The following TP53I13 variants were observed in gnomAD, a reference collection of about 807,000 sequenced individuals.
TP53I13 encodes the protein tumor protein p53-inducible protein 13.
A neutral mutation model predicts 39.1 loss-of-function variants in TP53I13; 27 were observed. The ratio of observed to expected loss-of-function variants is 0.69; its 90% confidence interval spans 0.51 to 0.95. The LOEUF (loss-of-function observed/expected upper bound fraction) is 0.95, where lower values mean the gene tolerates loss of function less well. Ranked by LOEUF, TP53I13 falls within the 40% of genes least tolerant of loss-of-function variation. The pLI, the probability that TP53I13 is intolerant of heterozygous loss-of-function variation, is 0.00. For missense variants in TP53I13, 544 were observed against 520.4 expected, an observed-to-expected ratio of 1.05 and a Z score of -0.44; for synonymous variants, 230 against 224.6, an observed-to-expected ratio of 1.02 and a Z score of -0.22.
Position 29,571,887 on chromosome 17 carries a change from C to T in TP53I13, c.343C>T (p.Leu115=). 1 of 1,613,186 alleles carries T rather than the reference C, an allele frequency of 6.2e-7. No individual in the cohort carries two copies. Among genetic ancestry groups the T allele is most frequent in the East Asian group, 2.2e-5 (1 of 44,886 alleles). The change falls in exon 5 of 7, where the codon CTG becomes TTG. Residue 115 remains leucine, a synonymous_variant. Transcript: ENST00000301057. ...PLVLTAWGLA[L]EMAWVEPAWA... ...GGTGCTGACTGCATGGGGGCTGGCG[C>T]TGGAGATGGCCTGGGTAGAGCCAGC...
downstream of TP53I13, chr17:29,574,956 CA>C: frequency 6.6e-7 from 1 of 1,518,334 alleles, no homozygotes; most frequent in Non-Finnish European, 8.9e-7. Context: ...GACTTTAAGC[CA>C]CCAGCTGAGA....
chr17:29,574,628 A>C (rs1352275031), downstream of TP53I13: 9 of 1,217,088 alleles, frequency 7.4e-6, no homozygotes, highest in Non-Finnish European at 1.2e-6. Context: ...TGGGGTGGGG[A>C]TTAATGTCTG....
the TP53I13 span, among the ~76,000 whole-genome samples, chr17:29,580,339 G>C: frequency 6.6e-6 from 1 of 152,220 alleles, no homozygotes; most frequent in Admixed American, 6.5e-5. Context: ...TTGGGGTCTG[G>C]AAGAGGTCTG....
At chr17:29,577,860 A>G (rs1454385607), downstream of TP53I13, 2 of 686,130 alleles carry the variant, frequency 2.9e-6, no homozygotes, top group Non-Finnish European at 5.3e-6. Flanking sequence ...ACTGGTGTTC[A>G]GAACAGGGGT....
At chr17:29,573,211 G>A (rs1046938603), downstream of TP53I13, 13 of 319,128 alleles carry the variant, frequency 4.1e-5, no homozygotes, top group Admixed American at 4.1e-4. Flanking sequence ...CCGGACCCTC[G>A]TCCTAGGCCA....
At chr17:29,579,782 G>A in the TP53I13 span, among the ~76,000 whole-genome samples, 1 of 151,646 alleles carries the variant, frequency 6.6e-6, no homozygotes, top group Non-Finnish European at 1.5e-5. Flanking sequence ...TCTCCTCCCT[G>A]AAAAATAGAT....
intron 2 of TP53I13, 84 bp from the exon 3 acceptor site, chr17:29,569,234 C>A: frequency 6.6e-7 from 1 of 1,523,678 alleles, no homozygotes; most frequent in Non-Finnish European, 9.0e-7. Flanking sequence ...CCCAGCCTGG[C>A]GCTTGGGGCC....
chr17:29,577,700 C>T (rs368918039), downstream of TP53I13: 15 of 1,612,652 alleles, frequency 9.3e-6, no homozygotes, highest in South Asian at 4.4e-5. Context: ...CACGGCACTG[C>T]GCTCTGTCAC....
At chr17:29,568,696 GGC>G (rs2032797653), upstream of TP53I13, 10 of 1,138,696 alleles carry the variant, frequency 8.8e-6, no homozygotes, top group East Asian at 1.1e-4. This position sits in a 1 kb window ranked among gnomAD's most constrained non-coding sequence, Gnocchi z 4.5. Context: ...GGAGGGGCGG[GGC>G]GCGCGCGCTC....
At chr17:29,580,181 T>C in the TP53I13 span, among the ~76,000 whole-genome samples, 86 of 152,346 alleles carry the variant, frequency 5.6e-4, 1 homozygote, top group African/African-American at 2.0e-3. Flanking sequence ...GCTGCCTCTG[T>C]GCTCCCAGTG....
chr17:29,566,680 C>T, upstream of TP53I13: 1 of 1,594,506 alleles, frequency 6.3e-7, no homozygotes, highest in South Asian at 1.1e-5. Flanking sequence ...GGAGCGCGGG[C>T]CGGCCTCCAG....
the TP53I13 span, chr17:29,581,690 C>A: frequency 6.9e-7 from 1 of 1,458,152 alleles, no homozygotes; most frequent in Non-Finnish European, 9.5e-7. The surrounding 1 kb of genome is among the most constrained non-coding windows in gnomAD (Gnocchi z 4.8). Flanking sequence ...GTCCCACCTG[C>A]CCAGCCCCAG....
chr17:29,574,934 G>A, downstream of TP53I13: 1 of 1,541,070 alleles, frequency 6.5e-7, no homozygotes, highest in Non-Finnish European at 8.8e-7. Flanking sequence ...GCAGGAGTGA[G>A]GCTGGACCTT....
At chr17:29,576,729 G>A (rs41274278), downstream of TP53I13, 3,064 of 1,603,424 alleles carry the variant, frequency 1.9e-3, 3 homozygotes, top group Non-Finnish European at 2.4e-3. Context: ...GCCAACACCC[G>A]CAGGGGGCAG....
the TP53I13 span, among the ~76,000 whole-genome samples, chr17:29,579,552 C>T: frequency 9.2e-5 from 14 of 152,210 alleles, no homozygotes; most frequent in Non-Finnish European, 1.5e-4. Flanking sequence ...TGGAGACCAG[C>T]CTGGGCAACA....
downstream of TP53I13, chr17:29,576,535 C>T (rs777996942): frequency 1.2e-6 from 2 of 1,613,940 alleles, no homozygotes; most frequent in South Asian, 1.1e-5. Context: ...TCGCTGCAGC[C>T]TCCGGAGCTC....
downstream of TP53I13, chr17:29,575,187 G>A (rs546843): frequency 7.0e-6 from 11 of 1,563,980 alleles, no homozygotes; most frequent in Admixed American, 1.4e-4. The surrounding 1 kb of genome is among the most constrained non-coding windows in gnomAD (Gnocchi z 5.5). Flanking sequence ...TCTCAAGGGA[G>A]GTTCCCAGGG....
At chr17:29,576,506 G>A (rs1280985800), downstream of TP53I13, 20 of 1,613,384 alleles carry the variant, frequency 1.2e-5, no homozygotes, top group South Asian at 2.2e-5. Flanking sequence ...CCCTCCCACC[G>A]AGGCTGCACC....
At chr17:29,581,949 G>A in the TP53I13 span, 25 of 1,612,590 alleles carry the variant, frequency 1.6e-5, no homozygotes, top group African/African-American at 1.9e-4. The surrounding 1 kb of genome is among the most constrained non-coding windows in gnomAD (Gnocchi z 4.8). Context: ...ATGGGTGTGC[G>A]GCCATTAACA....
Sources: gnomAD v4.1 joint callset for allele counts (sites outside exome capture counted in the v4.1 genomes callset) on GRCh38, gnomAD v4.1.1 for gene constraint, Gnocchi (gnomAD v3.1) non-coding constraint, MANE v1.5 for transcripts, NCBI Gene and HGNC (gene_info 2026-07-23, HGNC 2026-07-21) for gene names.